SLC11A1: variants seen among roughly 807,000 people sequenced by gnomAD.
SLC11A1 encodes the protein solute carrier family 11 member 1, also known as natural resistance-associated macrophage protein 1.
A neutral mutation model predicts 63.2 loss-of-function variants in SLC11A1; 59 were observed. The ratio of observed to expected loss-of-function variants is 0.93; its 90% CI spans 0.76 to 1.16. SLC11A1 has a LOEUF of 1.16. Among genes scored for constraint, SLC11A1 ranks in the 50% most tolerant of loss-of-function variants. The pLI is 0.00. For synonymous variants in SLC11A1, 305 were observed against 307.8 expected (o/e 0.99, Z 0.09); for missense variants, 688 against 730.7 (o/e 0.94, Z 0.67).
rs750680965 is a variant in SLC11A1, at chr2:218,395,050, C to T, written c.*15C>T. On this transcript the variant is annotated 3_prime_UTR_variant, in exon 15 of 15. Transcript: ENST00000233202. ...CCTCTGGCTAGGCCCACACCAGGGCCTGGCTGGGAGTGGCATGTATGACGT... is the reference window on the plus strand; with the variant it reads ...CCTCTGGCTAGGCCCACACCAGGGCTTGGCTGGGAGTGGCATGTATGACGT... 1 of 1,569,692 alleles carries T rather than the reference C, an allele frequency of 6.4e-7. No homozygotes were observed. The highest frequency in any genetic ancestry group is 8.7e-7 in the Non-Finnish European group (1 of 1,152,846).
intron 12 of SLC11A1, among the ~76,000 whole-genome samples, chr2:218,393,892 G>A (rs1224639973): frequency 6.6e-6 from 1 of 152,050 alleles, no homozygotes; most frequent in East Asian, 1.9e-4. Context: ...ACTAGTGGCA[G>A]GGCTTGGATT....
rs1255258174 is a variant in SLC11A1, at chr2:218,384,911, G to T, written c.274-236G>T. On this transcript the variant is annotated intron_variant, in intron 3 of 14. Coordinates refer to ENST00000233202, the MANE Select transcript of SLC11A1 (RefSeq NM_000578.4). The surrounding 1 kb of genome is among the most constrained non-coding windows in gnomAD (Gnocchi z 4.0). ...GTAATTTATTTATTTATTTAGAGAT[G>T]GGGGTCTCACTATGTTGCTCAGGCT... 4.3e-6 allele frequency: 2 copies of T among 468,490 alleles called. No homozygotes were observed. Among genetic ancestry groups the T allele is most frequent in the East Asian group, 4.2e-5 (1 of 23,776 alleles). 29.0% of individuals were successfully genotyped at this position (468,490 alleles called of 1,614,324 possible).
At chr2:218,393,755 G>A (rs1338013131) in intron 12 of SLC11A1, among the ~76,000 whole-genome samples, 1 of 152,030 alleles carries the variant, frequency 6.6e-6, no homozygotes, top group East Asian at 1.9e-4. Context: ...AAGGATTACA[G>A]GCATGAGCCA....
In SLC11A1 at chr2:218,387,877, C is replaced by G. The variant is rs1340718084; in HGVS notation, c.717C>G (p.Pro239=). 6.2e-7 allele frequency: 1 copy of G among 1,603,340 alleles called. No homozygotes were observed. The highest frequency in any genetic ancestry group is 8.5e-7 in the Non-Finnish European group (1 of 1,175,392). The part of the protein sequence containing the change: ...FLPSCPGCGH[P]ELLQAVGIVG... ...CCTCGTGCCCGGGCTGCGGCCACCC[C>G]GAGCTGCTGCAGGCGGTGGGCATTG... Residue 239 remains proline, a synonymous_variant, in exon 8 of 15, where the codon CCC becomes CCG. Transcript: ENST00000233202.
In SLC11A1 at chr2:218,383,027, C is replaced by G. The variant is rs527339796; in HGVS notation, c.75C>G (p.Thr25=). 6.2e-7 allele frequency: 1 copy of G among 1,613,826 alleles called. No individual in the cohort carries two copies. The change falls in exon 2 of 15, where the codon ACC becomes ACG. Residue 25 remains threonine (T), a synonymous_variant. Transcript: ENST00000233202. The part of the protein sequence containing the change: ...YGSISSPTSP[T]SPGPQQAPPR... ...CCATCTCCAGCCCGACCAGCCCGAC[C>G]AGCCCAGGGCCACAGCAAGCACCTC...
chr2:218,386,597 C>T (rs749114236), intron 4 of SLC11A1, 38 bp from the exon 5 acceptor site: 10 of 1,450,240 alleles, frequency 6.9e-6, no homozygotes, highest in African/African-American at 5.6e-5. Context: ...GGCAAATAAC[C>T]GGCCCACCCT....
At chr2:218,387,516 C>T (rs748826569) in intron 6 of SLC11A1, 49 bp from the exon 7 acceptor site, 15 of 1,594,500 alleles carry the variant, frequency 9.4e-6, no homozygotes, top group Middle Eastern at 1.7e-4. Flanking sequence ...TTGTTGATGT[C>T]ACAGATTTTT....
chr2:218,392,816 C>G (rs1442336480), intron 11 of SLC11A1, 165 bp from the exon 12 acceptor site: 2 of 526,094 alleles, frequency 3.8e-6, no homozygotes, highest in African/African-American at 4.0e-5. Context: ...CCCATTTCTC[C>G]CCACCCATCC....
rs771018200 is a variant in SLC11A1 at position 218,391,294 on chromosome 2, G to T, written c.1044+7G>T. 6.2e-7 allele frequency: 1 copy of T among 1,613,668 alleles called. No homozygotes were observed. Among genetic ancestry groups the T allele is most frequent in the Admixed American group, 1.7e-5 (1 of 59,974 alleles). On this transcript the variant is annotated splice_region_variant and intron_variant, in intron 10 of 14. Transcript: ENST00000233202. ...CGTGGACATTTACCAGGGGGTGAGC[G>T]CGGGTGGGTGGGGAGGGCGTGACCC...
Position 218,394,728 on chromosome 2 carries a change from C to G in SLC11A1, c.1485C>G (p.Ala495=). Residue 495 remains alanine (A), a synonymous_variant, in exon 14 of 15, where the codon GCC becomes GCG. Transcript: ENST00000233202. ...VSYLPSLPHP[A]YFGLAALLAA... The stretch of plus-strand genomic sequence containing the variant: ...ATCTGCCCAGCCTGCCCCACCCTGC[C>G]TACTTCGGCCTTGCAGCCTTGCTGG... 1 of 1,613,992 alleles carries G rather than the reference C, an allele frequency of 6.2e-7. No homozygotes were observed. The highest frequency in any genetic ancestry group is 2.2e-5 in the East Asian group (1 of 44,892).
At chr2:218,382,529 A>G (rs1695861455) in intron 1 of SLC11A1, among the ~76,000 whole-genome samples, 154 bp downstream of exon 1, 1 of 152,170 alleles carries the variant, frequency 6.6e-6, no homozygotes, top group Admixed American at 6.5e-5. Flanking sequence ...ACAGTTCTGG[A>G]CACCAGACTC....
In SLC11A1 at chr2:218,384,472, G is replaced by C; in HGVS notation, c.273+107G>C. ...TTTCTCCAATGTGGCCTGGGAGCTG[G>C]TGTTAAGTTCAAATGGGCCCGAAAA... On this transcript the variant is annotated intron_variant, in intron 3 of 14. Coordinates refer to ENST00000233202, the MANE Select transcript of SLC11A1 (RefSeq NM_000578.4). The surrounding 1 kb of genome is among the most constrained non-coding windows in gnomAD (Gnocchi z 4.0). The C allele has an allele frequency of 1.4e-6, 2 of 1,401,932 alleles. No homozygotes were observed. The highest frequency in any genetic ancestry group is 1.9e-6 in the Non-Finnish European group (2 of 1,040,196). 86.8% of individuals were successfully genotyped at this position (1,401,932 alleles called of 1,614,324 possible). A position where few individuals can be genotyped will look rare whatever the true frequency, so the allele number is the denominator to read the frequency against.
At position 218,391,259 on chromosome 2, in the gene SLC11A1, C is replaced by A; in HGVS notation, c.1016C>A (p.Ala339Asp). 1.2e-6 allele frequency: 2 copies of A among 1,614,044 alleles called. No homozygotes were observed. Among genetic ancestry groups the A allele is most frequent in the Non-Finnish European group, 1.7e-6 (2 of 1,179,990 alleles). ...DYAKIFPMNN[A>D]TVAVDIYQGG... ...GCCAAGATCTTCCCCATGAACAACG[C>A]CACCGTGGCCGTGGACATTTACCAG... The change falls in exon 10 of 15, where the codon GCC becomes GAC. Residue 339 changes from alanine to aspartate, a missense_variant. Physicochemically the swap from Ala to Asp is moderately radical, Grantham distance 126. Transcript: ENST00000233202.
chr2:218,393,142 C>G lies in SLC11A1; in HGVS notation c.1314+12C>G. 6.4e-7 allele frequency: 1 copy of G among 1,553,462 alleles called. No homozygotes were observed. Among genetic ancestry groups the G allele is most frequent in the East Asian group, 2.4e-5 (1 of 40,910 alleles). On this transcript the variant is annotated intron_variant, in intron 12 of 14. Transcript: ENST00000233202. ...TGCAGAGCCTGCTGGTGAGATGCGC[C>G]AACCCCACCAGCCCTGCCCACTGCT...
At chr2:218,389,845 T>C (rs775373868) in intron 8 of SLC11A1, 25 bp from the exon 9 acceptor site, 2 of 1,590,090 alleles carry the variant, frequency 1.3e-6, no homozygotes, top group South Asian at 2.3e-5. Context: ...ACTTTGGCAC[T>C]TCCCTCTCCC....
In SLC11A1 at chr2:218,386,726, T is replaced by C. The variant is rs758251194; in HGVS notation, c.485T>C (p.Leu162Pro). 1.9e-6 allele frequency: 3 copies of C among 1,613,834 alleles called. No homozygotes were observed. Reference sequence around the variant, plus strand: ...ATCGGCACGGCCATTGCATTCAATCTGCTCTCAGCTGGACGGTACCACCCC... The same window carrying C: ...ATCGGCACGGCCATTGCATTCAATCCGCTCTCAGCTGGACGGTACCACCCC... ...EVIGTAIAFN[L>P]LSAGRIPLWG... Residue 162 changes from leucine (L) to proline (P), a missense_variant, in exon 5 of 15, where the codon CTG becomes CCG. Coordinates refer to ENST00000233202, the MANE Select transcript of SLC11A1 (RefSeq NM_000578.4).
At chr2:218,385,085 G>C (rs1462366019) in intron 3 of SLC11A1, 62 bp from the exon 4 acceptor site, 9 of 1,604,250 alleles carry the variant, frequency 5.6e-6, no homozygotes, top group Non-Finnish European at 7.6e-6. Flanking sequence ...AGGGTACCAC[G>C]AGCTCAGGGG....
chr2:218,393,152 A>G (rs1188318714), intron 12 of SLC11A1, 22 bp downstream of exon 12: 1 of 1,531,960 alleles, frequency 6.5e-7, no homozygotes, highest in Non-Finnish European at 8.7e-7. Flanking sequence ...CAACCCCACC[A>G]GCCCTGCCCA....
At chr2:218,387,529 C>T (rs1338905904) in intron 6 of SLC11A1, 36 bp from the exon 7 acceptor site, 6 of 1,603,298 alleles carry the variant, frequency 3.7e-6, no homozygotes, top group Admixed American at 3.5e-5. Context: ...AGATTTTTTT[C>T]GTTGGTTTGT....
Sources: gnomAD v4.1 joint callset for allele counts (sites outside exome capture counted in the v4.1 genomes callset) on GRCh38, gnomAD v4.1.1 for gene constraint, Gnocchi (gnomAD v3.1) non-coding constraint, MANE v1.5 for transcripts, NCBI Gene and HGNC (gene_info 2026-07-23, HGNC 2026-07-21) for gene names.